The following ZNF496 variants were observed in gnomAD, a reference collection of about 807,000 sequenced individuals.
ZNF496 encodes NSD1 (nuclear receptor binding SET-domain containing 1)-interacting zinc finger protein 1.
ZNF496 carries 11 observed loss-of-function variants against 58.9 expected under a neutral mutation model. The observed-to-expected ratio is 0.19, with a 90% CI of 0.12 to 0.31. The LOEUF (loss-of-function observed/expected upper bound fraction) is 0.31. Among genes scored for constraint, ZNF496 ranks in the 10% least tolerant of loss-of-function variants. ZNF496 has a pLI of 1.00. For missense variants in ZNF496, 660 were observed against 783.0 expected, an observed-to-expected ratio of 0.84 and a Z score of 1.88; for synonymous variants, 338 against 318.2, an observed-to-expected ratio of 1.06 and a Z score of -0.66.
rs1659226669 is a variant in ZNF496, at chr1:247,301,246, C to T, written c.1037G>A (p.Ser346Asn). 2 of 1,527,974 alleles carry T rather than the reference C, an allele frequency of 1.3e-6. No homozygotes were observed. Among genetic ancestry groups the T allele is most frequent in the Non-Finnish European group, 1.8e-6 (2 of 1,139,836 alleles). 94.7% of individuals were successfully genotyped at this position (1,527,974 alleles called of 1,614,324 possible). Residue 346 changes from serine (S) to asparagine (N), a missense_variant, in exon 10 of 10, where the codon AGC becomes AAC. By Grantham distance (46) the Ser-to-Asn change is conservative. Coordinates refer to ENST00000682384, the MANE Select transcript of ZNF496 (RefSeq NM_032752.3). Reference sequence around the variant, plus strand: ...CTCGATGGTCACTTCTTCATCCAGGCTGTTCTCTAGAGATCGCGGGTTGCC... The same window carrying T: ...CTCGATGGTCACTTCTTCATCCAGGTTGTTCTCTAGAGATCGCGGGTTGCC... ...AGGNPRSLENSLDEEVTIEIV... is the reference protein window; with the variant it reads ...AGGNPRSLENNLDEEVTIEIV...
intron 5 of ZNF496, among the ~76,000 whole-genome samples, chr1:247,325,607 T>G (rs1182803311): frequency 6.6e-6 from 1 of 152,154 alleles, no homozygotes; most frequent in East Asian, 1.9e-4. Context: ...TCTCCAGAAT[T>G]TATTCATCTT....
chr1:247,329,731 TG>T lies in ZNF496; in HGVS notation c.-37-117del, dbSNP rs1263806599. The T allele has an allele frequency of 2.0e-5, 19 of 955,596 alleles. No individual in the cohort carries two copies. Among genetic ancestry groups the T allele is most frequent in the Non-Finnish European group, 2.9e-5 (19 of 660,652 alleles). 59.2% of individuals were successfully genotyped at this position (955,596 alleles called of 1,614,324 possible). A position where few individuals can be genotyped will look rare whatever the true frequency, so the allele number is the denominator to read the frequency against. On this transcript the variant is annotated intron_variant, in intron 3 of 9. Coordinates refer to ENST00000682384, the MANE Select transcript of ZNF496 (RefSeq NM_032752.3). The surrounding 1 kb of genome is among the most constrained non-coding windows in gnomAD (Gnocchi z 5.5). Reference sequence around the variant, plus strand: ...AGAGACCAGCCCTTTGGAGAAGCCCTGGGAAAGGTAGGGAGTGTTGGTGTGG... The same window carrying T: ...AGAGACCAGCCCTTTGGAGAAGCCCTGGAAAGGTAGGGAGTGTTGGTGTGG...
At chr1:247,331,117 G>C (rs564672302) in intron 2 of ZNF496, among the ~76,000 whole-genome samples, 1 of 152,166 alleles carries the variant, frequency 6.6e-6, no homozygotes, top group Non-Finnish European at 1.5e-5. Flanking sequence ...CCGCCCCCCC[G>C]AGCACCGGCG....
chr1:247,307,579 C>T, intron 9 of ZNF496: 1 of 985,394 alleles, frequency 1.0e-6, no homozygotes, highest in Non-Finnish European at 1.2e-6. Context: ...CAGGGGTGGG[C>T]ATCCATGCTT....
At chr1:247,303,404 G>A (rs1167408134) in intron 9 of ZNF496, among the ~76,000 whole-genome samples, 1 of 152,202 alleles carries the variant, frequency 6.6e-6, no homozygotes, top group Non-Finnish European at 1.5e-5. Flanking sequence ...TTTGGCACCA[G>A]GAAGTAGGGT....
rs769361246 is a variant in ZNF496, at chr1:247,301,147, G to C, written c.1136C>G (p.Thr379Arg). ...PYCTEELGSPTEKQRSLPASH... is the reference protein window; with the variant it reads ...PYCTEELGSPREKQRSLPASH... ...GGCGGGGAGGCTGCGCTGCTTCTCTGTGGGGCTCCCCAGCTCTTCTGTGCA... is the reference window on the plus strand; with the variant it reads ...GGCGGGGAGGCTGCGCTGCTTCTCTCTGGGGCTCCCCAGCTCTTCTGTGCA... The change falls in exon 10 of 10, where the codon ACA becomes AGA. Residue 379 changes from threonine (T) to arginine (R), a missense_variant. By Grantham distance (71) the Thr-to-Arg change is moderately conservative (BLOSUM62 -1). Transcript: ENST00000682384. 6.2e-7 allele frequency: 1 copy of C among 1,613,456 alleles called. No individual in the cohort carries two copies. The highest frequency in any genetic ancestry group is 8.5e-7 in the Non-Finnish European group (1 of 1,179,772).
chr1:247,328,301 C>G (rs2103034081), intron 5 of ZNF496, among the ~76,000 whole-genome samples: 2 of 152,224 alleles, frequency 1.3e-5, no homozygotes, highest in Middle Eastern at 6.8e-3. Context: ...ACAGAGGTTC[C>G]AAGAGACAAG....
intron 9 of ZNF496, among the ~76,000 whole-genome samples, chr1:247,302,696 G>A (rs1337800205): frequency 2.0e-5 from 3 of 152,064 alleles, no homozygotes; most frequent in East Asian, 1.9e-4. Context: ...CAGGAACCTC[G>A]TTCCAGCCAG....
intron 9 of ZNF496, among the ~76,000 whole-genome samples, chr1:247,301,594 G>A (rs1659241696): frequency 6.6e-6 from 1 of 152,058 alleles, no homozygotes; most frequent in South Asian, 2.1e-4. Context: ...CAAGCTCTAG[G>A]AGTCTGTATT....
chr1:247,317,600 T>C (rs1397760538), intron 6 of ZNF496, among the ~76,000 whole-genome samples: 3 of 151,320 alleles, frequency 2.0e-5, no homozygotes, highest in Admixed American at 1.3e-4. Context: ...GGAGACCATG[T>C]AGGGAGCTGG....
chr1:247,320,970 C>T (rs977442790), intron 6 of ZNF496, among the ~76,000 whole-genome samples: 2 of 152,088 alleles, frequency 1.3e-5, no homozygotes, highest in South Asian at 2.1e-4. Flanking sequence ...GTCAAGAGTT[C>T]GAGTTCAAGA....
At position 247,309,849 on chromosome 1, in the gene ZNF496, G is replaced by C. The variant is rs767227829; in HGVS notation, c.785-43C>G. 1 of 1,602,716 alleles carries C rather than the reference G, an allele frequency of 6.2e-7. No homozygotes were observed. Among genetic ancestry groups the C allele is most frequent in the South Asian group, 1.1e-5 (1 of 90,358 alleles). On this transcript the variant is annotated intron_variant, in intron 7 of 9. Transcript: ENST00000682384. The surrounding 1 kb of genome is among the most constrained non-coding windows in gnomAD (Gnocchi z 4.3). ...CAGGGTACATGTTTATTAGTAATCTGATCCTGCAGCAACCAGGGCTGGTCC... is the reference window on the plus strand; with the variant it reads ...CAGGGTACATGTTTATTAGTAATCTCATCCTGCAGCAACCAGGGCTGGTCC...
At chr1:247,307,841 A>G in intron 9 of ZNF496, 2 of 985,426 alleles carry the variant, frequency 2.0e-6, no homozygotes, top group Non-Finnish European at 2.4e-6. Flanking sequence ...AGATGGCAGT[A>G]TTGTAGCCTC....
Position 247,308,528 on chromosome 1 carries a change from A to T in ZNF496, c.953T>A (p.Val318Glu), listed in dbSNP as rs928230845. Reference sequence around the variant, plus strand: ...CTGTGGGCAGGCCTGGAACTCTGGCACCTGCAGCTCCTCACGTTTCCTTCT... The same window carrying T: ...CTGTGGGCAGGCCTGGAACTCTGGCTCCTGCAGCTCCTCACGTTTCCTTCT... ...EERRKREELQ[V>E]PEFQACPQTV... Residue 318 changes from valine to glutamate, a missense_variant, in exon 9 of 10, where the codon GTG becomes GAG. Transcript: ENST00000682384. The surrounding 1 kb of genome is among the most constrained non-coding windows in gnomAD (Gnocchi z 4.5). The T allele has an allele frequency of 5.6e-6, 9 of 1,614,012 alleles. No homozygotes were observed. In the African/African-American group the frequency reaches 1.2e-4, roughly 22 times the overall value.
In ZNF496 at chr1:247,329,165, C is replaced by T. The variant is rs1660236094; in HGVS notation, c.390+24G>A. On this transcript the variant is annotated intron_variant, in intron 4 of 9. Transcript: ENST00000682384. This position sits in a 1 kb window ranked among gnomAD's most constrained non-coding sequence, Gnocchi z 5.5. ...GTCTAAGTACCAGATCTCTACCCGT[C>T]CCAGCCCCACCTCTTCTACTCACCC... 2 of 1,613,236 alleles carry T rather than the reference C, an allele frequency of 1.2e-6. No individual in the cohort carries two copies. The highest frequency in any genetic ancestry group is 2.2e-5 in the South Asian group (2 of 91,088).
intron 5 of ZNF496, among the ~76,000 whole-genome samples, chr1:247,323,842 T>C (rs1303836617): frequency 1.3e-5 from 2 of 151,584 alleles, no homozygotes; most frequent in African/African-American, 2.4e-5. Flanking sequence ...GGTCTGGATG[T>C]GGTGGCTCAT....
intron 9 of ZNF496, chr1:247,307,157 G>A: frequency 2.0e-6 from 2 of 985,452 alleles, no homozygotes; most frequent in African/African-American, 1.7e-5. Context: ...TGTCCTGCGT[G>A]GGCATGGATA....
intron 9 of ZNF496, among the ~76,000 whole-genome samples, chr1:247,305,338 C>T (rs1279248369): frequency 6.6e-6 from 1 of 152,208 alleles, no homozygotes; most frequent in African/African-American, 2.4e-5. Context: ...TAATCCTTAG[C>T]AATAACTGTA....
At chr1:247,306,198 CTTT>C (rs527869314) in intron 9 of ZNF496, among the ~76,000 whole-genome samples, 1 of 142,080 alleles carries the variant, frequency 7.0e-6, no homozygotes, top group Admixed American at 7.1e-5. Flanking sequence ...GAGTTCAAAT[CTTT>C]TTTTTTTTTT....
Sources: allele counts gnomAD v4.1 joint callset (sites outside exome capture counted in the v4.1 genomes callset), GRCh38; gene constraint gnomAD v4.1.1; non-coding constraint Gnocchi (gnomAD v3.1); transcripts MANE v1.5; gene names NCBI Gene and HGNC (gene_info 2026-07-23, HGNC 2026-07-21).